Variants in TENM4 observed in about 807,000 individuals in gnomAD.
The protein encoded by TENM4 is teneurin-4.
In TENM4, 82 loss-of-function variants were observed where a neutral mutation model predicts 243.3. That is an observed-to-expected ratio of 0.34 (90% confidence interval 0.28 to 0.40). The LOEUF is 0.40. Among genes scored for constraint, TENM4 ranks in the 10% least tolerant of loss-of-function variants. The probability of loss-of-function intolerance (pLI) is 1.00; values close to 1 mark genes in which losing one functional copy is unlikely to be tolerated. For synonymous variants in TENM4, 1,412 were observed against 1,456.3 expected (o/e 0.97, Z 0.69); for missense variants, 3,138 against 3,673.3 (o/e 0.85, Z 3.77).
At chr11:78,860,623 T>C (rs2136218137) in intron 10 of TENM4, among the ~76,000 whole-genome samples, 1 of 152,258 alleles carries the variant, frequency 6.6e-6, no homozygotes, top group Non-Finnish European at 1.5e-5. Flanking sequence ...AAACATACAC[T>C]GAGTAGACAT....
At chr11:78,788,126 T>G (rs1185343275) in intron 15 of TENM4, among the ~76,000 whole-genome samples, 5 of 152,226 alleles carry the variant, frequency 3.3e-5, no homozygotes, top group Non-Finnish European at 1.5e-5. Context: ...TCTGTCAAGG[T>G]GCATTTGCTC....
At chr11:79,258,152 G>T (rs754135100) in intron 2 of TENM4, among the ~76,000 whole-genome samples, 4 of 152,124 alleles carry the variant, frequency 2.6e-5, no homozygotes, top group Non-Finnish European at 5.9e-5. Flanking sequence ...AGACAAATAG[G>T]CCTTTGGAGT....
At chr11:79,363,326 T>C (rs942733921) in intron 1 of TENM4, among the ~76,000 whole-genome samples, 10 of 152,226 alleles carry the variant, frequency 6.6e-5, no homozygotes, top group Non-Finnish European at 8.8e-5. Flanking sequence ...TACAGGCATT[T>C]AAGTTTAGAA....
At chr11:78,691,758 C>T (rs1858832228) in intron 28 of TENM4, among the ~76,000 whole-genome samples, 1 of 152,196 alleles carries the variant, frequency 6.6e-6, no homozygotes, top group South Asian at 2.1e-4. Context: ...CCACTCTTCA[C>T]ATTTTCCATT....
intron 1 of TENM4, among the ~76,000 whole-genome samples, chr11:79,352,406 T>A (rs1269776557): frequency 6.6e-6 from 1 of 151,970 alleles, no homozygotes; most frequent in African/African-American, 2.4e-5. Flanking sequence ...GAGCCAAGAG[T>A]GACCTCCCCT....
At chr11:78,726,370 A>C in intron 22 of TENM4, 148 bp from the exon 23 acceptor site, 1 of 940,978 alleles carries the variant, frequency 1.1e-6, no homozygotes. Context: ...GATGTGAAAC[A>C]CTAACACAAG....
chr11:78,718,632 G>C (rs1363747233), intron 25 of TENM4, among the ~76,000 whole-genome samples: 3 of 152,138 alleles, frequency 2.0e-5, no homozygotes, highest in African/African-American at 7.2e-5. Flanking sequence ...TTTAATCCAA[G>C]ACCTGCATGT....
rs1555012889 is a variant in TENM4 at position 79,123,599 on chromosome 11, C to CCT, written c.-66+25110_-66+25111insAG. On this transcript the variant is annotated intron_variant, in intron 4 of 33. Transcript: ENST00000278550. ...TCTCTCCAGACAAACGCAGTAGCCC[C>CCT]TTTTTTTTTTTTTTTTATTAAGAAT... 6.5e-3 allele frequency among the ~76,000 whole-genome samples: 938 copies of CCT among 143,764 alleles called. 10 individuals carry two copies. The highest frequency in any genetic ancestry group is 0.017 in the African/African-American group (683 of 39,440). 94.3% of individuals were successfully genotyped at this position (143,764 alleles called of 152,430 possible).
In TENM4 at chr11:79,215,680, A is replaced by C. The variant is rs114151730; in HGVS notation, c.-163+128T>G. On this transcript the variant is annotated intron_variant, in intron 3 of 33. Transcript: ENST00000278550. ...TCTGGCCAGAACTCCTCTACTTTCT[A>C]TGCTGCCAAGTCGTAAAAGCCTCCA... 419 of 836,952 alleles carry C rather than the reference A, an allele frequency of 5.0e-4. 4 individuals are homozygous for C. The African/African-American group carries it at 7.4e-3, about 15-fold the overall frequency. 51.8% of individuals were successfully genotyped at this position (836,952 alleles called of 1,614,324 possible).
intron 13 of TENM4, among the ~76,000 whole-genome samples, chr11:78,812,709 C>T (rs1205553444): frequency 1.3e-5 from 2 of 152,140 alleles, no homozygotes; most frequent in South Asian, 4.1e-4. Context: ...TAATAACACT[C>T]CACTTTCACT....
chr11:79,280,532 C>T (rs1160833882), intron 2 of TENM4, among the ~76,000 whole-genome samples: 3 of 152,286 alleles, frequency 2.0e-5, no homozygotes, highest in South Asian at 2.1e-4. Context: ...AGGGAAGAAG[C>T]GAGCCGGAGC....
intron 20 of TENM4, among the ~76,000 whole-genome samples, chr11:78,733,751 G>A (rs1855724092): frequency 6.6e-6 from 1 of 152,176 alleles, no homozygotes; most frequent in Non-Finnish European, 1.5e-5. Context: ...CACATGTTTA[G>A]AAGCCAGATG....
At chr11:79,269,299 T>G (rs1855930443) in intron 2 of TENM4, among the ~76,000 whole-genome samples, 1 of 152,232 alleles carries the variant, frequency 6.6e-6, no homozygotes. Context: ...CATTTTCGTT[T>G]TATTCTGTTT....
Position 78,658,137 on chromosome 11 carries a change from G to A in TENM4, c.8231C>T (p.Ser2744Phe), listed in dbSNP as rs1414072102. 1.2e-6 allele frequency: 2 copies of A among 1,614,056 alleles called. No homozygotes were observed. The highest frequency in any genetic ancestry group is 8.5e-7 in the Non-Finnish European group (1 of 1,179,900). The change falls in exon 34 of 34, where the codon TCT (serine) becomes TTT (phenylalanine). Residue 2744 changes from serine to phenylalanine, a missense_variant. Ser to Phe is a radical substitution (Grantham distance 155, BLOSUM62 -2). This residue lies in a region of TENM4 where 2,467 missense variants were observed against 3,059.1 expected (regional missense o/e 0.81). Coordinates refer to ENST00000278550, the MANE Select transcript of TENM4 (RefSeq NM_001098816.3). The stretch of plus-strand genomic sequence containing the variant: ...TGACAGTTCTGGGTACTGCTCGACA[G>A]AGATCACGAAAAAGCCGTCGTAGCC... ...VQGYDGFFVI[S>F]VEQYPELSDS...
chr11:78,660,294 T>C (rs1433466823), intron 33 of TENM4, among the ~76,000 whole-genome samples: 1 of 152,160 alleles, frequency 6.6e-6, no homozygotes, highest in Non-Finnish European at 1.5e-5. Context: ...ACCTGTAAAA[T>C]GGGGAAATGT....
chr11:79,285,255 A>AT (rs1170341615), intron 2 of TENM4, among the ~76,000 whole-genome samples: 15 of 151,988 alleles, frequency 9.9e-5, no homozygotes, highest in South Asian at 8.4e-4. Context: ...AAATAAATAA[A>AT]AAAAAAGAGA....
At chr11:79,417,266 G>A (rs190083676) in intron 1 of TENM4, among the ~76,000 whole-genome samples, 3 of 152,212 alleles carry the variant, frequency 2.0e-5, no homozygotes, top group African/African-American at 7.2e-5. Context: ...CTGGCACCAA[G>A]GGCAAGGCAG....
At position 79,131,277 on chromosome 11, in the gene TENM4, C is replaced by G. The variant is rs1266321717; in HGVS notation, c.-66+17433G>C. ...GGAAAGAATCTTAAGAGCTGTGAGA[C>G]AGAAACACGAGGTAACCTATAAGGG... On this transcript the variant is annotated intron_variant, in intron 4 of 33. Coordinates refer to ENST00000278550, the MANE Select transcript of TENM4 (RefSeq NM_001098816.3). Among the ~76,000 whole-genome samples the G allele has an allele frequency of 1.3e-5, 2 of 152,162 alleles. 1 individual carries two copies. The highest frequency in any genetic ancestry group is 1.3e-4 in the Admixed American group (2 of 15,278).
intron 1 of TENM4, among the ~76,000 whole-genome samples, chr11:79,393,658 G>A (rs1858282255): frequency 6.6e-6 from 1 of 152,234 alleles, no homozygotes; most frequent in Non-Finnish European, 1.5e-5. Context: ...TTGCCCAGAG[G>A]AGCAGAGGCG....
Sources: gnomAD v4.1 joint callset for allele counts (sites outside exome capture counted in the v4.1 genomes callset) on GRCh38, gnomAD v4.1.1 for gene constraint, gnomAD v4.1.1 regional missense constraint, MANE v1.5 for transcripts, NCBI Gene and HGNC (gene_info 2026-07-23, HGNC 2026-07-21) for gene names.